The following RBFOX1 variants were observed in gnomAD, a reference collection of about 807,000 sequenced individuals.
The protein encoded by RBFOX1 is RNA binding fox-1 homolog 1.
RBFOX1 carries 8 observed loss-of-function variants against 57.7 expected under a neutral mutation model. The observed-to-expected ratio is 0.14, with a 90% CI of 0.08 to 0.25. The LOEUF (loss-of-function observed/expected upper bound fraction) is 0.25, where lower values mean the gene tolerates loss of function less well. Ranked by LOEUF, RBFOX1 falls within the 10% of genes least tolerant of loss-of-function variation. RBFOX1 has a pLI of 1.00. For synonymous variants in RBFOX1, 326 were observed against 222.4 expected (o/e 1.47, Z -4.15); for missense variants, 611 against 548.5 (o/e 1.11, Z -1.14).
Position 7,499,267 on chromosome 16 carries a change from G to A in RBFOX1, c.28-18880G>A, listed in dbSNP as rs369334273. On this transcript the variant is annotated intron_variant, in intron 4 of 15. Transcript: ENST00000550418. Reference sequence around the variant, plus strand: ...CTTTGGCATCCCTTGAGTTGTAGAAGCATCACCCATTCATCTTCAGATGGT... The same window carrying A: ...CTTTGGCATCCCTTGAGTTGTAGAAACATCACCCATTCATCTTCAGATGGT... Among the ~76,000 whole-genome samples, 5 of 152,250 alleles carry A rather than the reference G, an allele frequency of 3.3e-5. No homozygotes were observed. The East Asian group carries it at 5.8e-4, about 18-fold the overall frequency.
chr16:5,325,987 A>C (rs1447080858), intron 1 of RBFOX1, among the ~76,000 whole-genome samples: 1 of 152,192 alleles, frequency 6.6e-6, no homozygotes, highest in Non-Finnish European at 1.5e-5. Flanking sequence ...TGGAGTATTT[A>C]CGTGTCTTTA....
At chr16:6,133,381 G>T (rs1268972265) in intron 1 of RBFOX1, among the ~76,000 whole-genome samples, 2 of 152,168 alleles carry the variant, frequency 1.3e-5, no homozygotes, top group African/African-American at 4.8e-5. Context: ...CAGGCATGTG[G>T]CTGGCACTGA....
At chr16:5,311,596 C>A (rs781702730) in intron 1 of RBFOX1, among the ~76,000 whole-genome samples, 3 of 152,168 alleles carry the variant, frequency 2.0e-5, no homozygotes, top group Admixed American at 6.5e-5. Context: ...ATCATTCTTG[C>A]TGGAGTAAGG....
At position 5,458,957 on chromosome 16, in the gene RBFOX1, C is replaced by A. The variant is rs551764569; in HGVS notation, c.220-8259C>A. On this transcript the variant is annotated intron_variant, in intron 1 of 2. Transcript: ENST00000585867. The stretch of plus-strand genomic sequence containing the variant: ...CACCTGGCTTCAACTCTTCCAGGCT[C>A]TTTTCTCCTCCATCAAGATGCTTCC... 3.9e-5 allele frequency among the ~76,000 whole-genome samples: 6 copies of A among 152,316 alleles called. No individual in the cohort carries two copies. The South Asian group carries it at 1.2e-3, about 32-fold the overall frequency.
Position 6,431,894 on chromosome 16 carries a change from TTG to T in RBFOX1, c.-64+114838_-64+114839del, listed in dbSNP as rs1567257818. Among the ~76,000 whole-genome samples the T allele has an allele frequency of 3.9e-3, 423 of 109,590 alleles. 1 individual carries two copies. The highest frequency in any genetic ancestry group is 0.011 in the African/African-American group (273 of 24,844). The allele number at this position is 109,590 out of a possible 152,430, so 71.9% of individuals were successfully genotyped here. On this transcript the variant is annotated intron_variant, in intron 2 of 15. Coordinates refer to ENST00000550418, the MANE Select transcript of RBFOX1 (RefSeq NM_018723.4). ...CATGTCCAGAAATATGCTTGCTTGCTTGCTTTCTTTCTTTCTTTCTTTCTTTC... is the reference window on the plus strand; with the variant it reads ...CATGTCCAGAAATATGCTTGCTTGCTCTTTCTTTCTTTCTTTCTTTCTTTC...
At chr16:7,579,384 C>G (rs1226589711) in intron 5 of RBFOX1, among the ~76,000 whole-genome samples, 3 of 152,134 alleles carry the variant, frequency 2.0e-5, no homozygotes, top group Non-Finnish European at 2.9e-5. Context: ...TTATTACCCC[C>G]TTCTTGATGA....
intron 3 of RBFOX1, among the ~76,000 whole-genome samples, chr16:5,724,253 G>A (rs542985877): frequency 2.6e-5 from 4 of 152,340 alleles, no homozygotes; most frequent in Admixed American, 2.0e-4. Flanking sequence ...TAAAACCTGT[G>A]TCTGGGGTAG....
chr16:5,990,315 C>A (rs2060370090), intron 4 of RBFOX1, among the ~76,000 whole-genome samples: 1 of 152,122 alleles, frequency 6.6e-6, no homozygotes, highest in African/African-American at 2.4e-5. Context: ...GTGAAGATTT[C>A]CACTGGCCGT....
chr16:6,053,899 A>C (rs2095582842), intron 1 of RBFOX1, among the ~76,000 whole-genome samples: 1 of 151,860 alleles, frequency 6.6e-6, no homozygotes, highest in African/African-American at 2.4e-5. Context: ...CTCTGCAAAA[A>C]GTGCACAAAA....
At chr16:6,887,133 T>G (rs1450693400) in intron 3 of RBFOX1, among the ~76,000 whole-genome samples, 4 of 152,176 alleles carry the variant, frequency 2.6e-5, no homozygotes, top group African/African-American at 7.2e-5. Flanking sequence ...TCCTTTACAT[T>G]GTTATTGTTG....
intron 3 of RBFOX1, among the ~76,000 whole-genome samples, chr16:5,821,823 C>G (rs1317410388): frequency 6.6e-6 from 1 of 152,142 alleles, no homozygotes; most frequent in East Asian, 1.9e-4. Context: ...GCTGCTGCAT[C>G]CTCACATGGT....
intron 4 of RBFOX1, among the ~76,000 whole-genome samples, chr16:5,984,946 T>TTATATATA (rs61004841): frequency 1.8e-3 from 122 of 69,654 alleles, no homozygotes; most frequent in African/African-American, 8.1e-3. Flanking sequence ...GGCAACTCCA[T>TTATATATA]TATATATATA....
chr16:7,134,995 G>A (rs1045002394), intron 4 of RBFOX1, among the ~76,000 whole-genome samples: 1 of 151,736 alleles, frequency 6.6e-6, no homozygotes, highest in African/African-American at 2.4e-5. Context: ...TCTTTGCAAA[G>A]TGGGATTCCA....
At chr16:7,428,473 T>A (rs909264736) in intron 4 of RBFOX1, among the ~76,000 whole-genome samples, 1 of 147,880 alleles carries the variant, frequency 6.8e-6, no homozygotes, top group Non-Finnish European at 1.5e-5. Context: ...ATTACAGGCA[T>A]CCACTACCAC....
chr16:7,104,475 G>C (rs375852774), intron 4 of RBFOX1, among the ~76,000 whole-genome samples: 224 of 152,222 alleles, frequency 1.5e-3, no homozygotes, highest in African/African-American at 5.2e-3. Flanking sequence ...CAAGGAAAGA[G>C]TAAAATTTAA....
intron 3 of RBFOX1, among the ~76,000 whole-genome samples, chr16:6,716,803 A>T (rs1312121280): frequency 6.6e-6 from 1 of 152,074 alleles, no homozygotes; most frequent in Non-Finnish European, 1.5e-5. Context: ...AACAGGATAT[A>T]AGTTTGGGAC....
At chr16:7,593,520 T>C (rs1404339410) in intron 7 of RBFOX1, among the ~76,000 whole-genome samples, 5 of 152,190 alleles carry the variant, frequency 3.3e-5, no homozygotes, top group African/African-American at 1.2e-4. Flanking sequence ...TAATTCAGGC[T>C]TATCCTAATC....
intron 4 of RBFOX1, among the ~76,000 whole-genome samples, chr16:7,190,739 C>A (rs547913281): frequency 6.6e-6 from 1 of 152,246 alleles, no homozygotes; most frequent in East Asian, 1.9e-4. Flanking sequence ...TTGCATGGTT[C>A]TAGGTTTGTA....
chr16:7,370,861 T>G (rs1023358770), intron 4 of RBFOX1, among the ~76,000 whole-genome samples: 2 of 152,222 alleles, frequency 1.3e-5, no homozygotes, highest in African/African-American at 4.8e-5. Flanking sequence ...CAAAGAACAC[T>G]GACATTTATG....
Sources: gnomAD v4.1 joint callset for allele counts (sites outside exome capture counted in the v4.1 genomes callset) on GRCh38, gnomAD v4.1.1 for gene constraint, MANE v1.5 for transcripts, NCBI Gene and HGNC (gene_info 2026-07-23, HGNC 2026-07-21) for gene names.